The following PIK3CB variants were observed in gnomAD, a reference collection of about 807,000 sequenced individuals.
PIK3CB encodes the protein phosphatidylinositol 4,5-bisphosphate 3-kinase catalytic subunit beta isoform.
In PIK3CB, 39 loss-of-function variants were observed where a neutral mutation model predicts 136.8. That is an observed-to-expected ratio of 0.29 (90% CI 0.22 to 0.37). The LOEUF (loss-of-function observed/expected upper bound fraction) is 0.37. Ranked by LOEUF, PIK3CB falls within the 10% of genes least tolerant of loss-of-function variation. The pLI is 1.00. For synonymous variants in PIK3CB, 428 were observed against 436.6 expected (o/e 0.98, Z 0.25); for missense variants, 868 against 1,275.4 (o/e 0.68, Z 4.87).
chr3:138,695,931 A>ATTTTTTTTTTTT (rs34470924), intron 13 of PIK3CB, among the ~76,000 whole-genome samples: 8 of 90,808 alleles, frequency 8.8e-5, no homozygotes, highest in African/African-American at 2.7e-4. Context: ...AATTTTTTGT[A>ATTTTTTTTTTTT]TTTTTTTTTT....
At chr3:138,738,764 G>A (rs2108657958) in intron 5 of PIK3CB, among the ~76,000 whole-genome samples, 2 of 152,162 alleles carry the variant, frequency 1.3e-5, no homozygotes, top group South Asian at 4.1e-4. Context: ...ATATACTAAA[G>A]ATATAAGAAG....
chr3:138,826,503 T>G (rs1263112419), intron 1 of PIK3CB, among the ~76,000 whole-genome samples: 1 of 148,866 alleles, frequency 6.7e-6, no homozygotes, highest in Non-Finnish European at 1.5e-5. Context: ...ATTTGGGTTT[T>G]TTTTTTTTTT....
chr3:138,707,128 T>G (rs765568056), intron 11 of PIK3CB, 31 bp downstream of exon 11: 2 of 1,229,946 alleles, frequency 1.6e-6, no homozygotes, highest in Non-Finnish European at 2.4e-6. Context: ...AATCATTTCA[T>G]GCATAGAGGT....
intron 12 of PIK3CB, among the ~76,000 whole-genome samples, chr3:138,702,789 C>T (rs904528318): frequency 4.6e-5 from 7 of 152,060 alleles, no homozygotes; most frequent in Non-Finnish European, 1.0e-4. Context: ...TTTTTTTACA[C>T]TAGTCTCTGA....
intron 16 of PIK3CB, among the ~76,000 whole-genome samples, chr3:138,688,301 A>G (rs1375231280): frequency 6.6e-6 from 1 of 152,060 alleles, no homozygotes; most frequent in African/African-American, 2.4e-5. Flanking sequence ...GGAGTTCAAG[A>G]CCAGCTTGGC....
At chr3:138,746,741 TC>T (rs1048909271) in intron 4 of PIK3CB, among the ~76,000 whole-genome samples, 1 of 151,714 alleles carries the variant, frequency 6.6e-6, no homozygotes, top group Non-Finnish European at 1.5e-5. Flanking sequence ...GCATTAAAAT[TC>T]TCCTGTACTA....
chr3:138,737,900 G>T lies in PIK3CB; in HGVS notation c.622-14C>A. On this transcript the variant is annotated splice_polypyrimidine_tract_variant and intron_variant, in intron 5 of 23. Transcript: ENST00000674063. ...GCTAAACACGTCCTGAAGGGGGAGGGAGATGGGGAAAAAAGCAGTAAATGT... is the reference window on the plus strand; with the variant it reads ...GCTAAACACGTCCTGAAGGGGGAGGTAGATGGGGAAAAAAGCAGTAAATGT... 1 of 1,539,414 alleles carries T rather than the reference G, an allele frequency of 6.5e-7. No individual in the cohort carries two copies. The highest frequency in any genetic ancestry group is 1.2e-5 in the South Asian group (1 of 82,444).
Position 138,697,891 on chromosome 3 carries a change from T to TC in PIK3CB, c.1770+1015dup, listed in dbSNP as rs34258057. Among the ~76,000 whole-genome samples the TC allele has an allele frequency of 5.7e-3, 869 of 152,158 alleles. 7 individuals are homozygous for TC. The highest frequency in any genetic ancestry group is 0.02 in the African/African-American group (810 of 41,522). ...AGGACTACAGGCACATGCCAGCATG[T>TC]CCAGCTAATGTTTGTATTTTTTGTA... On this transcript the variant is annotated intron_variant, in intron 13 of 23. Coordinates refer to ENST00000674063, the MANE Select transcript of PIK3CB (RefSeq NM_006219.3).
chr3:138,656,278 T>C lies in PIK3CB; in HGVS notation c.2943-4A>G, dbSNP rs1490379297. ...ATCCTCACAACACTGGCGGAACCTTTGGGTGATGCAGCAAACCACATGAGC... is the reference window on the plus strand; with the variant it reads ...ATCCTCACAACACTGGCGGAACCTTCGGGTGATGCAGCAAACCACATGAGC... On this transcript the variant is annotated splice_region_variant and splice_polypyrimidine_tract_variant and intron_variant, in intron 22 of 23. Coordinates refer to ENST00000674063, the MANE Select transcript of PIK3CB (RefSeq NM_006219.3). The C allele has an allele frequency of 4.3e-6, 7 of 1,613,964 alleles. No individual in the cohort carries two copies. Among genetic ancestry groups the C allele is most frequent in the Non-Finnish European group, 5.9e-6 (7 of 1,180,020 alleles).
At chr3:138,658,523 G>A (rs1215295534) in intron 21 of PIK3CB, among the ~76,000 whole-genome samples, 1 of 152,120 alleles carries the variant, frequency 6.6e-6, no homozygotes, top group Non-Finnish European at 1.5e-5. Context: ...CTCTTTAGAG[G>A]TAACTTCTTA....
chr3:138,695,030 C>A, intron 13 of PIK3CB, 123 bp from the exon 14 acceptor site: 1 of 792,014 alleles, frequency 1.3e-6, no homozygotes. Flanking sequence ...TTATTGATGC[C>A]TCAAAAATCC....
At chr3:138,711,355 G>A (rs1430341065) in intron 10 of PIK3CB, among the ~76,000 whole-genome samples, 5 of 151,954 alleles carry the variant, frequency 3.3e-5, no homozygotes, top group East Asian at 1.9e-4. Context: ...CGAGGTGGGC[G>A]GATCACCTGA....
chr3:138,787,158 C>A (rs2045989599), intron 2 of PIK3CB, among the ~76,000 whole-genome samples: 1 of 152,096 alleles, frequency 6.6e-6, no homozygotes, highest in Non-Finnish European at 1.5e-5. Context: ...AACTGGAAGG[C>A]AAGTTTAAAC....
intron 10 of PIK3CB, 61 bp from the exon 11 acceptor site, chr3:138,707,350 G>C: frequency 6.5e-7 from 1 of 1,531,058 alleles, no homozygotes. Flanking sequence ...CTTTAAAAAA[G>C]CTGTAATGGA....
intron 1 of PIK3CB, among the ~76,000 whole-genome samples, chr3:138,810,654 C>T (rs1932990844): frequency 6.6e-6 from 1 of 152,060 alleles, no homozygotes; most frequent in African/African-American, 2.4e-5. Flanking sequence ...CATGGTGGCT[C>T]ACGCCTGTAA....
chr3:138,679,055 G>A (rs773779234), intron 19 of PIK3CB, among the ~76,000 whole-genome samples: 1 of 152,016 alleles, frequency 6.6e-6, no homozygotes, highest in Non-Finnish European at 1.5e-5. Context: ...GACAGAGTAA[G>A]ACTCTGACTC....
intron 1 of PIK3CB, among the ~76,000 whole-genome samples, chr3:138,814,845 T>C (rs1183800479): frequency 1.3e-5 from 2 of 150,970 alleles, no homozygotes. Flanking sequence ...CTACAAAAAA[T>C]ACAAAAATTT....
chr3:138,822,790 C>T (rs191375372), intron 1 of PIK3CB, among the ~76,000 whole-genome samples: 1 of 145,014 alleles, frequency 6.9e-6, no homozygotes, highest in Non-Finnish European at 1.5e-5. Flanking sequence ...TGCAGTGAGC[C>T]GAGATCACGC....
At chr3:138,665,301 T>C in intron 19 of PIK3CB, 98 bp from the exon 20 acceptor site, 1 of 841,496 alleles carries the variant, frequency 1.2e-6, no homozygotes. Context: ...AGTTTTATTA[T>C]TATTGATATA....
Sources: allele counts gnomAD v4.1 joint callset (sites outside exome capture counted in the v4.1 genomes callset), GRCh38; gene constraint gnomAD v4.1.1; transcripts MANE v1.5; gene names NCBI Gene and HGNC (gene_info 2026-07-23, HGNC 2026-07-21).